The following CFAP251 variants were observed in gnomAD, a reference collection of about 807,000 sequenced individuals.
The protein encoded by CFAP251 is cilia and flagella associated protein 251, also known as cilia- and flagella-associated protein 251.
Under a neutral mutation model 126.7 loss-of-function variants are expected in CFAP251, and 93 were observed. That is an observed-to-expected ratio of 0.73 (90% confidence interval 0.62 to 0.87). CFAP251 has a LOEUF of 0.87. Ranked by LOEUF, CFAP251 falls within the 40% of genes least tolerant of loss-of-function variation. CFAP251 has a pLI of 0.00. For missense variants in CFAP251, 1,287 were observed against 1,389.2 expected (o/e 0.93, Z 1.17); for synonymous variants, 503 against 506.9 (o/e 0.99, Z 0.10).
At chr12:121,959,976 A>G (rs1458105022) in intron 13 of CFAP251, among the ~76,000 whole-genome samples, 1 of 151,676 alleles carries the variant, frequency 6.6e-6, no homozygotes, top group African/African-American at 2.4e-5. Flanking sequence ...AAAACTAATG[A>G]AAAAAAACTA....
intron 3 of CFAP251, 91 bp from the exon 4 acceptor site, chr12:121,931,655 G>A (rs1054070757): frequency 6.2e-6 from 8 of 1,298,874 alleles, no homozygotes; most frequent in Non-Finnish European, 7.0e-6. Context: ...AACTGTTGAT[G>A]TGAAATCCTT....
chr12:121,943,590 T>G (rs1328025808), intron 7 of CFAP251, among the ~76,000 whole-genome samples: 2 of 151,968 alleles, frequency 1.3e-5, no homozygotes, highest in Non-Finnish European at 2.9e-5. Flanking sequence ...GCCTGGCTAA[T>G]TTTGTATTTT....
chr12:121,961,515 T>C (rs1419472888), intron 14 of CFAP251, among the ~76,000 whole-genome samples: 2 of 152,158 alleles, frequency 1.3e-5, no homozygotes, highest in Non-Finnish European at 2.9e-5. Flanking sequence ...GAGATTTAGA[T>C]ATGAATTAGT....
chr12:121,928,063 C>T (rs1880490134), intron 3 of CFAP251, among the ~76,000 whole-genome samples: 2 of 152,166 alleles, frequency 1.3e-5, no homozygotes, highest in Admixed American at 1.3e-4. Context: ...TCTGTTACCA[C>T]TAAGTGAAGT....
At chr12:121,961,822 A>G (rs1881948821) in intron 14 of CFAP251, among the ~76,000 whole-genome samples, 156 bp from the exon 15 acceptor site, 1 of 152,240 alleles carries the variant, frequency 6.6e-6, no homozygotes, top group Non-Finnish European at 1.5e-5. Context: ...TGTCAGGTCT[A>G]GGCAAGTCTT....
chr12:121,979,668 G>A (rs1002820552), intron 19 of CFAP251, among the ~76,000 whole-genome samples: 1 of 149,272 alleles, frequency 6.7e-6, no homozygotes, highest in Non-Finnish European at 1.5e-5. Context: ...AGGTTCAAGC[G>A]ATTCTCCTGC....
intron 17 of CFAP251, among the ~76,000 whole-genome samples, chr12:121,975,019 C>T (rs997139431): frequency 6.6e-6 from 1 of 152,152 alleles, no homozygotes; most frequent in Non-Finnish European, 1.5e-5. Context: ...GAGAATATCA[C>T]CATAATTAAG....
At chr12:121,935,114 T>C (rs1330571808) in intron 5 of CFAP251, among the ~76,000 whole-genome samples, 2 of 152,116 alleles carry the variant, frequency 1.3e-5, no homozygotes, top group African/African-American at 4.8e-5. Context: ...TTTTTAAATA[T>C]TTTATTTTAT....
At chr12:121,975,761 G>A in intron 19 of CFAP251, 76 bp downstream of exon 19, 2 of 1,471,788 alleles carry the variant, frequency 1.4e-6, no homozygotes, top group Non-Finnish European at 1.8e-6. Flanking sequence ...AATCATTATA[G>A]GTCAAAGCAA....
At chr12:121,958,247 T>G (rs1392446492) in intron 11 of CFAP251, 25 bp from the exon 12 acceptor site, 1 of 1,612,748 alleles carries the variant, frequency 6.2e-7, no homozygotes, top group African/African-American at 1.3e-5. Context: ...ACACTGATAT[T>G]GTTTGGTCTC....
intron 17 of CFAP251, chr12:121,970,087 G>A (rs1882282783): frequency 2.4e-6 from 1 of 410,564 alleles, no homozygotes; most frequent in Non-Finnish European, 3.3e-6. Flanking sequence ...TTGTAGGGGA[G>A]ATAAAGATGA....
chr12:121,955,893 A>C (rs975618343), intron 10 of CFAP251: 2 of 152,110 alleles, frequency 1.3e-5, no homozygotes, highest in African/African-American at 4.8e-5. Context: ...GGAGTCCAAG[A>C]AGGAAAAGGT....
intron 10 of CFAP251, among the ~76,000 whole-genome samples, chr12:121,955,420 CTTAA>C (rs1881693699): frequency 6.6e-6 from 1 of 152,206 alleles, no homozygotes; most frequent in African/African-American, 2.4e-5. Context: ...GAGCAAGGAA[CTTAA>C]CCTTGTTGAG....
In CFAP251 at chr12:121,951,571, G is replaced by A. The variant is rs201241599; in HGVS notation, c.1320+41G>A. 7.2e-5 allele frequency: 106 copies of A among 1,462,550 alleles called. No individual in the cohort carries two copies. In the African/African-American group the frequency reaches 1.4e-3, roughly 19 times the overall value. 90.6% of individuals were successfully genotyped at this position (1,462,550 alleles called of 1,614,324 possible). On this transcript the variant is annotated intron_variant, in intron 9 of 21. Transcript: ENST00000288912. Reference sequence around the variant, plus strand: ...GCATTTTTGTCCATCAGATTTTGTGGAGAATAAATATTTATGTGCAAGCTT... The same window carrying A: ...GCATTTTTGTCCATCAGATTTTGTGAAGAATAAATATTTATGTGCAAGCTT...
intron 15 of CFAP251, among the ~76,000 whole-genome samples, chr12:121,963,615 A>G (rs781305203): frequency 6.7e-6 from 1 of 149,730 alleles, no homozygotes; most frequent in African/African-American, 2.5e-5. Context: ...TCCTGATGCC[A>G]TCCTGCACAT....
At chr12:121,962,221 T>C in intron 15 of CFAP251, 59 bp downstream of exon 15, 2 of 1,537,318 alleles carry the variant, frequency 1.3e-6, no homozygotes, top group South Asian at 1.2e-5. Flanking sequence ...GCCCCCAACC[T>C]GTTTCAGGTC....
At chr12:121,919,131 AT>A (rs1880047804) in intron 1 of CFAP251, among the ~76,000 whole-genome samples, 2 of 57,578 alleles carry the variant, frequency 3.5e-5, no homozygotes, top group Non-Finnish European at 8.5e-5. Flanking sequence ...TTTATTTATT[AT>A]TATTATTATT....
intron 5 of CFAP251, among the ~76,000 whole-genome samples, chr12:121,938,487 A>C (rs775227431): frequency 1.3e-5 from 2 of 149,438 alleles, no homozygotes; most frequent in Admixed American, 6.7e-5. Context: ...ACACCCAGCT[A>C]ATTTTTTTGT....
At chr12:121,975,362 T>C in intron 18 of CFAP251, 28 bp downstream of exon 18, 1 of 1,602,390 alleles carries the variant, frequency 6.2e-7, no homozygotes, top group East Asian at 2.2e-5. Context: ...AAACACCTCC[T>C]GGTAACATCT....
Sources: allele counts gnomAD v4.1 joint callset (sites outside exome capture counted in the v4.1 genomes callset), GRCh38; gene constraint gnomAD v4.1.1; transcripts MANE v1.5; gene names NCBI Gene and HGNC (gene_info 2026-07-23, HGNC 2026-07-21).